CHRM2: variants seen among roughly 807,000 people sequenced by gnomAD.
CHRM2 encodes muscarinic acetylcholine receptor M2.
In CHRM2, 8 loss-of-function variants were observed where a neutral mutation model predicts 25.0. That is an observed-to-expected ratio of 0.32 (90% CI 0.19 to 0.58). The LOEUF is 0.58. Among genes scored for constraint, CHRM2 ranks in the 20% least tolerant of loss-of-function variants. The pLI, the probability that CHRM2 is intolerant of heterozygous loss-of-function variation, is 0.88. For synonymous variants in CHRM2, 202 were observed against 205.7 expected (o/e 0.98, Z 0.15); for missense variants, 440 against 567.1 (o/e 0.78, Z 2.28).
intron 2 of CHRM2, among the ~76,000 whole-genome samples, chr7:136,955,180 T>C (rs1284360132): frequency 1.3e-5 from 2 of 152,166 alleles, no homozygotes; most frequent in Non-Finnish European, 2.9e-5. Context: ...CTCTCCTCCT[T>C]CTTTCTCATG....
chr7:136,903,255 T>C (rs762473476), intron 2 of CHRM2: 16 of 534,022 alleles, frequency 3.0e-5, no homozygotes, highest in Non-Finnish European at 2.7e-5. Flanking sequence ...CCTGGAGGAC[T>C]CCATGCTGTT....
chr7:137,002,996 G>T (rs1188322538), intron 3 of CHRM2, among the ~76,000 whole-genome samples: 1 of 152,092 alleles, frequency 6.6e-6, no homozygotes, highest in African/African-American at 2.4e-5. Flanking sequence ...TTCTAGATGT[G>T]GAAAGGGGGT....
At chr7:136,923,491 T>TA (rs1798568714) in intron 2 of CHRM2, among the ~76,000 whole-genome samples, 1 of 152,076 alleles carries the variant, frequency 6.6e-6, no homozygotes, top group African/African-American at 2.4e-5. Context: ...ATTTTTTTTT[T>TA]ACCCTAATTC....
At chr7:136,959,364 G>C (rs1283744767) in intron 2 of CHRM2, among the ~76,000 whole-genome samples, 1 of 152,210 alleles carries the variant, frequency 6.6e-6, no homozygotes, top group African/African-American at 2.4e-5. Flanking sequence ...AACAAGAAAT[G>C]CGTTTATTGA....
chr7:136,916,847 T>G (rs1048167085), intron 2 of CHRM2, among the ~76,000 whole-genome samples: 1 of 151,742 alleles, frequency 6.6e-6, no homozygotes, highest in African/African-American at 2.4e-5. Flanking sequence ...TCTCTCTCTC[T>G]CTCTCTCTGT....
intron 2 of CHRM2, among the ~76,000 whole-genome samples, chr7:136,964,071 G>A (rs1563094246): frequency 6.6e-6 from 1 of 152,046 alleles, no homozygotes; most frequent in South Asian, 2.1e-4. Context: ...TTTGCTGCCG[G>A]TCCATACAAA....
In CHRM2 at chr7:136,960,711, A is replaced by G. The variant is rs866196856; in HGVS notation, c.-124-31476A>G. Among the ~76,000 whole-genome samples the G allele has an allele frequency of 5.9e-5, 9 of 152,110 alleles. No homozygotes were observed. The South Asian group carries it at 1.0e-3, about 18-fold the overall frequency. On this transcript the variant is annotated intron_variant, in intron 2 of 3. Coordinates refer to ENST00000680005, the MANE Select transcript of CHRM2 (RefSeq NM_001006630.2). ...ATAAAATATTCACACTTTTTTTTCT[A>G]TTCTATAGCTCATTGTGTTGAGACT...
intron 2 of CHRM2, among the ~76,000 whole-genome samples, chr7:136,905,937 C>A (rs2130651095): frequency 6.6e-6 from 1 of 151,016 alleles, no homozygotes; most frequent in Admixed American, 6.6e-5. Flanking sequence ...TTATCAAAGC[C>A]AAGACCAAAA....
At chr7:136,937,333 G>T (rs1707756461) in intron 2 of CHRM2, among the ~76,000 whole-genome samples, 1 of 151,950 alleles carries the variant, frequency 6.6e-6, no homozygotes, top group African/African-American at 2.4e-5. Context: ...TAAACAAGAA[G>T]TCAAACTGAA....
chr7:136,939,513 T>A (rs966869791), intron 2 of CHRM2, among the ~76,000 whole-genome samples: 5 of 152,220 alleles, frequency 3.3e-5, no homozygotes, highest in African/African-American at 7.2e-5. Context: ...TTAAAAAAAA[T>A]ACACAAAAGG....
rs151232658 is a variant in CHRM2, at chr7:136,933,262, G to A, written c.-124-58925G>A. Among the ~76,000 whole-genome samples, 131 of 152,148 alleles carry A rather than the reference G, an allele frequency of 8.6e-4. 3 individuals are homozygous for A. In the East Asian group the frequency reaches 0.019, roughly 22 times the overall value. The stretch of plus-strand genomic sequence containing the variant: ...CCAATTAAAAGATGGGCAAATGATC[G>A]GAACAGACATTTCTCCAAAGGAGAT... On this transcript the variant is annotated intron_variant, in intron 2 of 3. Transcript: ENST00000680005.
In CHRM2 at chr7:137,015,603, C is replaced by T. The variant is rs779460928; in HGVS notation, c.738C>T (p.Asn246=). ...VQGRIVKPNN[N]NMPSSDDGLE... ...GAAGGATAGTGAAGCCAAACAATAA[C>T]AACATGCCCAGCAGTGACGATGGCC... The change falls in exon 4 of 4, where the codon AAC becomes AAT. Residue 246 remains asparagine (N), a synonymous_variant. Coordinates refer to ENST00000680005, the MANE Select transcript of CHRM2 (RefSeq NM_001006630.2). This position sits in a 1 kb window ranked among gnomAD's most constrained non-coding sequence, Gnocchi z 5.1. 1.2e-6 allele frequency: 2 copies of T among 1,612,862 alleles called. No homozygotes were observed. Among genetic ancestry groups the T allele is most frequent in the African/African-American group, 2.7e-5 (2 of 74,830 alleles).
At chr7:136,905,438 G>A (rs1797483236) in intron 2 of CHRM2, among the ~76,000 whole-genome samples, 1 of 151,430 alleles carries the variant, frequency 6.6e-6, no homozygotes, top group Non-Finnish European at 1.5e-5. Context: ...CACCTATCAT[G>A]TTTGAATCAA....
In CHRM2 at chr7:137,016,268, A is replaced by T. The variant is rs1226609415; in HGVS notation, c.*2A>T. On this transcript the variant is annotated 3_prime_UTR_variant, in exon 4 of 4. Transcript: ENST00000680005. The stretch of plus-strand genomic sequence containing the variant: ...AAGAACATAGGCGCTACAAGGTAAA[A>T]TATCTTTGAAAAAGATAGAAGGTGG... The T allele has an allele frequency of 1.2e-6, 2 of 1,612,316 alleles. No homozygotes were observed. Among genetic ancestry groups the T allele is most frequent in the Non-Finnish European group, 1.7e-6 (2 of 1,178,818 alleles).
At chr7:136,927,728 A>G (rs1798830386) in intron 2 of CHRM2, among the ~76,000 whole-genome samples, 1 of 152,196 alleles carries the variant, frequency 6.6e-6, no homozygotes, top group African/African-American at 2.4e-5. Context: ...AATGGAATCA[A>G]TAGAATTCTA....
chr7:136,888,325 C>T (rs985035918), intron 2 of CHRM2, among the ~76,000 whole-genome samples: 2 of 152,178 alleles, frequency 1.3e-5, no homozygotes, highest in African/African-American at 2.4e-5. Flanking sequence ...TGTCCCTGCC[C>T]ATTGCTGCGC....
In CHRM2 at chr7:137,016,116, C is replaced by T. The variant is rs770736119; in HGVS notation, c.1251C>T (p.Ile417=). The part of the protein sequence containing the change: ...VLINTFCAPC[I]PNTVWTIGYW... Reference sequence around the variant, plus strand: ...TTAACACCTTTTGTGCACCTTGCATCCCCAACACTGTGTGGACAATTGGTT... The same window carrying T: ...TTAACACCTTTTGTGCACCTTGCATTCCCAACACTGTGTGGACAATTGGTT... Residue 417 remains isoleucine, a synonymous_variant, in exon 4 of 4, where the codon ATC becomes ATT. Transcript: ENST00000680005. 2 of 1,612,532 alleles carry T rather than the reference C, an allele frequency of 1.2e-6. No homozygotes were observed. Among genetic ancestry groups the T allele is most frequent in the African/African-American group, 2.7e-5 (2 of 74,802 alleles).
At chr7:136,900,612 C>T (rs1017663430) in intron 2 of CHRM2, among the ~76,000 whole-genome samples, 3 of 152,030 alleles carry the variant, frequency 2.0e-5, no homozygotes, top group African/African-American at 4.8e-5. Flanking sequence ...TTAAGCTGGG[C>T]ATCTCAGAGG....
intron 2 of CHRM2, among the ~76,000 whole-genome samples, chr7:136,932,288 A>G (rs111807445): frequency 0.012 from 1,867 of 152,346 alleles, 18 homozygotes; most frequent in Middle Eastern, 0.027. Flanking sequence ...CATAGTAAAG[A>G]GAGTGAATTA....
Sources: gnomAD v4.1 joint callset for allele counts (sites outside exome capture counted in the v4.1 genomes callset) on GRCh38, gnomAD v4.1.1 for gene constraint, Gnocchi (gnomAD v3.1) non-coding constraint, MANE v1.5 for transcripts, NCBI Gene and HGNC (gene_info 2026-07-23, HGNC 2026-07-21) for gene names.